ZNF503: variants seen among roughly 807,000 people sequenced by gnomAD.
ZNF503 encodes the protein zinc finger protein 503.
A neutral mutation model predicts 34.4 loss-of-function variants in ZNF503; 15 were observed. That is an observed-to-expected ratio of 0.44 (90% confidence interval 0.29 to 0.67). The LOEUF is 0.67. ZNF503 is among the 30% of genes least tolerant of loss of function. ZNF503 has a pLI of 0.13. For synonymous variants in ZNF503, 580 were observed against 456.8 expected (o/e 1.27, Z -3.44); for missense variants, 1,007 against 926.8 (o/e 1.09, Z -1.12).
At chr10:75,289,639 G>T in the ZNF503 span, among the ~76,000 whole-genome samples, 9 of 152,218 alleles carry the variant, frequency 5.9e-5, no homozygotes, top group South Asian at 1.0e-3. Context: ...AGGCTGGAGT[G>T]CAGTGGTGTG....
the ZNF503 span, among the ~76,000 whole-genome samples, chr10:75,375,025 G>GTGGAA: frequency 2.0e-5 from 3 of 152,340 alleles, no homozygotes; most frequent in South Asian, 6.2e-4. Context: ...TCGGTGGCCA[G>GTGGAA]ATTGGTCCCT....
the ZNF503 span, among the ~76,000 whole-genome samples, chr10:75,380,377 C>T: frequency 6.6e-6 from 1 of 152,196 alleles, no homozygotes; most frequent in Non-Finnish European, 1.5e-5. Flanking sequence ...CCCAAGGTCA[C>T]AGAGCCAGCC....
At chr10:75,313,534 C>T in the ZNF503 span, among the ~76,000 whole-genome samples, 1 of 152,178 alleles carries the variant, frequency 6.6e-6, no homozygotes, top group Non-Finnish European at 1.5e-5. Flanking sequence ...ATCAGCAAAA[C>T]TAAGTGGGTG....
chr10:75,368,423 A>G, the ZNF503 span, among the ~76,000 whole-genome samples: 1 of 152,228 alleles, frequency 6.6e-6, no homozygotes, highest in Non-Finnish European at 1.5e-5. Context: ...ATAGAAAGGA[A>G]TAGACAGATA....
chr10:75,334,874 G>A, the ZNF503 span, among the ~76,000 whole-genome samples: 2 of 152,222 alleles, frequency 1.3e-5, no homozygotes, highest in Non-Finnish European at 2.9e-5. Flanking sequence ...GCAGTCAGAT[G>A]TCTGCTTCAC....
chr10:75,285,025 T>G, the ZNF503 span, among the ~76,000 whole-genome samples: 1 of 152,356 alleles, frequency 6.6e-6, no homozygotes, highest in East Asian at 1.9e-4. Context: ...CAATGACCCA[T>G]TACTACTTAT....
chr10:75,372,304 T>C, the ZNF503 span, among the ~76,000 whole-genome samples: 70 of 152,346 alleles, frequency 4.6e-4, 1 homozygote, highest in Middle Eastern at 3.4e-3. Context: ...CAGACTCTTA[T>C]GTGCCCAGAA....
At chr10:75,348,755 G>T in the ZNF503 span, among the ~76,000 whole-genome samples, 1 of 151,564 alleles carries the variant, frequency 6.6e-6, no homozygotes, top group Non-Finnish European at 1.5e-5. Flanking sequence ...CTCGTGATCC[G>T]CCCGCCTCAG....
downstream of ZNF503, among the ~76,000 whole-genome samples, chr10:75,393,208 C>T (rs535757133): frequency 6.6e-6 from 1 of 152,284 alleles, no homozygotes; most frequent in African/African-American, 2.4e-5. Flanking sequence ...TTTGGGGACT[C>T]CCAGCATGGG....
chr10:75,361,980 A>G, the ZNF503 span, among the ~76,000 whole-genome samples: 1 of 152,202 alleles, frequency 6.6e-6, no homozygotes. Context: ...TTGGGGAGGC[A>G]GCAGCCAGAA....
chr10:75,358,105 G>A, the ZNF503 span, among the ~76,000 whole-genome samples: 1 of 152,162 alleles, frequency 6.6e-6, no homozygotes, highest in African/African-American at 2.4e-5. Flanking sequence ...AGATGGCCAG[G>A]ATGACTTTGC....
the ZNF503 span, among the ~76,000 whole-genome samples, chr10:75,350,027 A>G: frequency 6.6e-6 from 1 of 152,188 alleles, no homozygotes; most frequent in Non-Finnish European, 1.5e-5. Flanking sequence ...ATTAAGTGAA[A>G]AGAGCAAGTT....
At chr10:75,289,886 C>G in the ZNF503 span, among the ~76,000 whole-genome samples, 1 of 152,108 alleles carries the variant, frequency 6.6e-6, no homozygotes, top group African/African-American at 2.4e-5. Flanking sequence ...TTTAAATGTA[C>G]AGCTCAGTGT....
chr10:75,291,867 C>A, the ZNF503 span, among the ~76,000 whole-genome samples: 8 of 152,208 alleles, frequency 5.3e-5, no homozygotes, highest in African/African-American at 1.4e-4. Flanking sequence ...GAGGAGGGGT[C>A]AGCTGCAGCT....
At chr10:75,374,702 AG>A in the ZNF503 span, among the ~76,000 whole-genome samples, 74 of 152,338 alleles carry the variant, frequency 4.9e-4, no homozygotes, top group South Asian at 1.0e-3. Context: ...ATTGGAAGAG[AG>A]GACAGTCTAC....
the ZNF503 span, among the ~76,000 whole-genome samples, chr10:75,367,395 G>A: frequency 2.6e-5 from 4 of 152,196 alleles, no homozygotes; most frequent in African/African-American, 9.7e-5. Flanking sequence ...TAGGACAATT[G>A]CACAATGGCG....
the ZNF503 span, among the ~76,000 whole-genome samples, chr10:75,341,376 A>G: frequency 6.6e-6 from 1 of 152,248 alleles, no homozygotes; most frequent in Non-Finnish European, 1.5e-5. Context: ...AAGTCTGTGA[A>G]AATATAAATA....
chr10:75,378,493 G>GCA, the ZNF503 span, among the ~76,000 whole-genome samples: 1 of 151,616 alleles, frequency 6.6e-6, no homozygotes, highest in Non-Finnish European at 1.5e-5. Context: ...CACCCACTCC[G>GCA]CACTTATCCA....
At chr10:75,316,806 A>G in the ZNF503 span, among the ~76,000 whole-genome samples, 1 of 152,278 alleles carries the variant, frequency 6.6e-6, no homozygotes, top group African/African-American at 2.4e-5. Context: ...CACATTCTTC[A>G]ACAACCAATG....
Sources: allele counts gnomAD v4.1 joint callset (sites outside exome capture counted in the v4.1 genomes callset), GRCh38; gene constraint gnomAD v4.1.1; transcripts MANE v1.5; gene names NCBI Gene and HGNC (gene_info 2026-07-23, HGNC 2026-07-21).